Variants in RABGAP1L observed in about 807,000 individuals in gnomAD.
The protein encoded by RABGAP1L is rab GTPase-activating protein 1-like.
A neutral mutation model predicts 137.7 loss-of-function variants in RABGAP1L; 63 were observed. The ratio of observed to expected loss-of-function variants is 0.46; its 90% CI spans 0.37 to 0.56. RABGAP1L has a LOEUF of 0.56. RABGAP1L is among the 20% of genes least tolerant of loss of function. The probability of loss-of-function intolerance (pLI) is 0.00; values close to 1 mark genes in which losing one functional copy is unlikely to be tolerated. For synonymous variants in RABGAP1L, 431 were observed against 433.7 expected, an observed-to-expected ratio of 0.99 and a Z score of 0.08; for missense variants, 1,095 against 1,244.0, an observed-to-expected ratio of 0.88 and a Z score of 1.80.
At chr1:174,855,305 G>A (rs1028876415) in intron 19 of RABGAP1L, among the ~76,000 whole-genome samples, 9 of 152,254 alleles carry the variant, frequency 5.9e-5, no homozygotes, top group Admixed American at 3.3e-4. Flanking sequence ...CCCCATTCAA[G>A]CTTAGAGCTT....
At chr1:174,297,726 G>C (rs923032728) in intron 10 of RABGAP1L, among the ~76,000 whole-genome samples, 9 of 152,158 alleles carry the variant, frequency 5.9e-5, no homozygotes, top group Admixed American at 3.9e-4. Flanking sequence ...CTGGTTGCAT[G>C]ATTGTTTGGA....
At chr1:174,270,277 A>G (rs1029124763) in intron 7 of RABGAP1L, among the ~76,000 whole-genome samples, 1 of 152,048 alleles carries the variant, frequency 6.6e-6, no homozygotes, top group Non-Finnish European at 1.5e-5. Flanking sequence ...TACTTAAGAA[A>G]AATCCAAACC....
intron 7 of RABGAP1L, among the ~76,000 whole-genome samples, chr1:174,266,828 G>T (rs1029694310): frequency 2.6e-5 from 4 of 152,124 alleles, no homozygotes; most frequent in African/African-American, 9.7e-5. Flanking sequence ...GTGCTACAAA[G>T]AAATGAAAAG....
intron 13 of RABGAP1L, among the ~76,000 whole-genome samples, chr1:174,408,037 A>T (rs1227889046): frequency 6.6e-6 from 1 of 152,172 alleles, no homozygotes; most frequent in Non-Finnish European, 1.5e-5. Flanking sequence ...TATAGTTTTG[A>T]TGTAATACTG....
At chr1:174,712,851 C>G (rs139584438) in intron 17 of RABGAP1L, among the ~76,000 whole-genome samples, 141 of 152,306 alleles carry the variant, frequency 9.3e-4, no homozygotes, top group African/African-American at 3.1e-3. Flanking sequence ...CTGGTGTCTG[C>G]CAGTGCTTGC....
intron 11 of RABGAP1L, among the ~76,000 whole-genome samples, chr1:174,312,193 T>G (rs1332690873): frequency 6.6e-6 from 1 of 152,244 alleles, no homozygotes; most frequent in African/African-American, 2.4e-5. Flanking sequence ...GTGGTTGTAC[T>G]AATTTACATT....
At chr1:174,216,911 GAA>G (rs146163869) in intron 1 of RABGAP1L, among the ~76,000 whole-genome samples, 1 of 151,594 alleles carries the variant, frequency 6.6e-6, no homozygotes, top group Non-Finnish European at 1.5e-5. Flanking sequence ...TTTATTTTCC[GAA>G]AAAAAATTAA....
At chr1:174,628,808 C>T (rs1176418361) in intron 13 of RABGAP1L, among the ~76,000 whole-genome samples, 2 of 151,772 alleles carry the variant, frequency 1.3e-5, no homozygotes, top group African/African-American at 4.8e-5. Context: ...GACTTGTTCC[C>T]TCTTCTCATT....
At chr1:174,897,978 C>CAAAAAAAAAAAAAAA (rs1229186256) in intron 19 of RABGAP1L, 1 of 88,096 alleles carries the variant, frequency 1.1e-5, no homozygotes, top group Admixed American at 1.3e-4. Context: ...GACTCCATCT[C>CAAAAAAAAAAAAAAA]AAAAAAAAAA....
chr1:174,674,634 C>A (rs1258758654), intron 14 of RABGAP1L, among the ~76,000 whole-genome samples: 1 of 150,768 alleles, frequency 6.6e-6, no homozygotes, highest in Non-Finnish European at 1.5e-5. Context: ...AATGGTATTT[C>A]TAGTTCTAGA....
At chr1:174,307,774 C>T (rs534492875) in intron 11 of RABGAP1L, among the ~76,000 whole-genome samples, 1 of 152,134 alleles carries the variant, frequency 6.6e-6, no homozygotes, top group Non-Finnish European at 1.5e-5. Flanking sequence ...TGCTGCAGTA[C>T]ACATGGGAGT....
intron 18 of RABGAP1L, among the ~76,000 whole-genome samples, chr1:174,797,937 GT>G (rs1330620979): frequency 2.4e-4 from 37 of 151,924 alleles, no homozygotes; most frequent in African/African-American, 8.7e-4. Flanking sequence ...ACTTTGCATA[GT>G]TTTTTGTTTT....
chr1:174,221,073 C>T lies in RABGAP1L; in HGVS notation c.240C>T (p.Ser80=), dbSNP rs201091388. ...GTCTTCTTGTTGATTGTCAAAGTTC[C>T]AGTGAGATTTCAGACCATTCGTTTG... ...PSSLLVDCQS[S]SEISDHSFGD... is the part of the protein sequence containing the mutation. Residue 80 remains serine, a synonymous_variant, in exon 3 of 26, where the codon TCC becomes TCT. Transcript: ENST00000681986. The T allele has an allele frequency of 2.2e-4, 351 of 1,613,952 alleles. 3 individuals carry two copies. The highest frequency in any genetic ancestry group is 1.8e-3 in the Middle Eastern group (11 of 6,058).
At chr1:174,689,426 A>G (rs1305179029) in intron 15 of RABGAP1L, among the ~76,000 whole-genome samples, 2 of 152,108 alleles carry the variant, frequency 1.3e-5, no homozygotes, top group Admixed American at 1.3e-4. Flanking sequence ...GACTCATATA[A>G]CTGGGAAATC....
chr1:174,536,940 A>G (rs1480041087), intron 13 of RABGAP1L, among the ~76,000 whole-genome samples: 1 of 152,190 alleles, frequency 6.6e-6, no homozygotes, highest in Admixed American at 6.5e-5. Context: ...AAATAGGGTG[A>G]AAGTTCTTGT....
At chr1:174,924,909 A>C (rs2149241657) in intron 19 of RABGAP1L, among the ~76,000 whole-genome samples, 1 of 152,338 alleles carries the variant, frequency 6.6e-6, no homozygotes, top group Non-Finnish European at 1.5e-5. Flanking sequence ...TGGAAAAAAT[A>C]GGACAAGGTC....
At chr1:174,742,158 A>AG (rs1429049748) in intron 17 of RABGAP1L, among the ~76,000 whole-genome samples, 2 of 60,634 alleles carry the variant, frequency 3.3e-5, no homozygotes, top group African/African-American at 8.1e-5. Context: ...GAGGAGAGGG[A>AG]GGGGGAGGAG....
chr1:174,299,565 C>A (rs188087364), intron 10 of RABGAP1L, among the ~76,000 whole-genome samples: 1 of 152,146 alleles, frequency 6.6e-6, no homozygotes, highest in Non-Finnish European at 1.5e-5. Flanking sequence ...CAAATTCTGG[C>A]GGAACCAGGC....
At chr1:174,669,183 G>A (rs141849070) in intron 14 of RABGAP1L, among the ~76,000 whole-genome samples, 4 of 152,044 alleles carry the variant, frequency 2.6e-5, no homozygotes, top group South Asian at 2.1e-4. Flanking sequence ...TCACAGGGCG[G>A]CAAGAAGGAG....
Sources: allele counts gnomAD v4.1 joint callset (sites outside exome capture counted in the v4.1 genomes callset), GRCh38; gene constraint gnomAD v4.1.1; transcripts MANE v1.5; gene names NCBI Gene and HGNC (gene_info 2026-07-23, HGNC 2026-07-21).